DENND6B: variants seen among roughly 807,000 people sequenced by gnomAD.
DENND6B encodes protein DENND6B.
DENND6B carries 73 observed loss-of-function variants against 85.1 expected under a neutral mutation model. The ratio of observed to expected loss-of-function variants is 0.86; its 90% CI spans 0.71 to 1.04. The LOEUF (loss-of-function observed/expected upper bound fraction) is 1.04. Among genes scored for constraint, DENND6B ranks in the 50% least tolerant of loss-of-function variants. DENND6B has a pLI of 0.00. For synonymous variants in DENND6B, 357 were observed against 329.3 expected (o/e 1.08, Z -0.91); for missense variants, 715 against 785.8 (o/e 0.91, Z 1.08).
At chr22:50,313,611 A>G (rs1218985208) in intron 15 of DENND6B, 24 bp downstream of exon 15, 7 of 1,086,322 alleles carry the variant, frequency 6.4e-6, no homozygotes, top group Non-Finnish European at 6.8e-6. Flanking sequence ...CCCCAGTCCC[A>G]TGTCCCCCAG....
intron 9 of DENND6B, chr22:50,315,138 GGGGACTCAACCTGGACCCACCTGTGA>G: frequency 1.4e-6 from 1 of 693,978 alleles, no homozygotes; most frequent in Non-Finnish European, 2.3e-6. Context: ...CCTGGGAATG[GGGGACTCAACCTGGACCCACCTGTGA>G]GGGACCAGCC....
chr22:50,317,313 T>A lies in DENND6B; in HGVS notation c.433A>T (p.Lys145Ter), dbSNP rs1175520743. The change falls in exon 5 of 20, where the codon AAG becomes TAG. Residue 145 changes from lysine to a stop codon, truncating the protein, a stop_gained. Transcript: ENST00000413817. LOFTEE classifies it high-confidence loss of function. ...CGCACCTTCTGGAAGTAGCCCCTCT[T>A]CACAGAGCTGTCCTTCACCTGCCTG... is the stretch of plus-strand genomic sequence containing the variant. Reference protein sequence around the residue: ...YFRQVKDSSVKRGYFQKSLVL... With the variant: ...YFRQVKDSSV 6.2e-7 allele frequency: 1 copy of A among 1,612,794 alleles called. No homozygotes were observed. Among genetic ancestry groups the A allele is most frequent in the Non-Finnish European group, 8.5e-7 (1 of 1,179,666 alleles).
rs1601804977 is a variant in DENND6B, at chr22:50,313,104, G to A, written c.1352C>T (p.Pro451Leu). 19 of 1,553,810 alleles carry A rather than the reference G, an allele frequency of 1.2e-5. No individual in the cohort carries two copies. In the East Asian group the frequency reaches 4.6e-4, roughly 38 times the overall value. Residue 451 changes from proline to leucine, a missense_variant, in exon 17 of 20, where the codon CCC becomes CTC. By Grantham distance (98) the Pro-to-Leu change is moderately conservative. Coordinates refer to ENST00000413817, the MANE Select transcript of DENND6B (RefSeq NM_001001794.4). Reference sequence around the variant, plus strand: ...CTGGCTGAAGGGCTGGATCTGGGGGGGAGTCTGAGAGGGGATGGGTGAGCC... The same window carrying A: ...CTGGCTGAAGGGCTGGATCTGGGGGAGAGTCTGAGAGGGGATGGGTGAGCC... ...LQKSITPWKT[P>L]PQIQPFSQDD...
chr22:50,312,334 G>A lies in DENND6B; in HGVS notation c.1635+9C>T, dbSNP rs769568512. On this transcript the variant is annotated intron_variant, in intron 19 of 19. Transcript: ENST00000413817. ...GGTGGCGCTGGGACAAGGCTGGGAG[G>A]CATCTTACCAGCTTCTCACGAAGTT... is the stretch of plus-strand genomic sequence containing the variant. 4.3e-6 allele frequency: 7 copies of A among 1,611,198 alleles called. No individual in the cohort carries two copies. The African/African-American group carries it at 8.0e-5, about 18-fold the overall frequency.
intron 17 of DENND6B, 128 bp downstream of exon 17, chr22:50,312,871 G>A: frequency 4.2e-6 from 2 of 474,390 alleles, no homozygotes; most frequent in South Asian, 4.3e-5. Context: ...GGGGCCATGG[G>A]GCTGACCCTG....
intron 1 of DENND6B, among the ~76,000 whole-genome samples, chr22:50,321,137 G>A (rs1279679549): frequency 6.6e-6 from 1 of 152,162 alleles, no homozygotes; most frequent in Non-Finnish European, 1.5e-5. Flanking sequence ...GGGGGTGGGA[G>A]CTTGGTTTGG....
intron 3 of DENND6B, 93 bp from the exon 4 acceptor site, chr22:50,318,113 C>G: frequency 7.7e-7 from 1 of 1,290,364 alleles, no homozygotes; most frequent in Non-Finnish European, 1.1e-6. Flanking sequence ...GCCCTGCGAG[C>G]CTGGCCTCTG....
At chr22:50,322,059 C>A (rs1413143147) in intron 1 of DENND6B, among the ~76,000 whole-genome samples, 1 of 146,874 alleles carries the variant, frequency 6.8e-6, no homozygotes, top group Non-Finnish European at 1.5e-5. Context: ...AAAAAAAAAA[C>A]TCTTTGGGGT....
intron 1 of DENND6B, among the ~76,000 whole-genome samples, chr22:50,323,226 C>A (rs1601837237): frequency 2.7e-5 from 4 of 150,922 alleles, no homozygotes; most frequent in Admixed American, 2.6e-4. Flanking sequence ...AGCAGTTCTC[C>A]CACCTCAGCC....
At chr22:50,318,697 C>T (rs2041937827) in intron 3 of DENND6B, 150 bp downstream of exon 3, 1 of 1,149,808 alleles carries the variant, frequency 8.7e-7, no homozygotes, top group East Asian at 2.6e-5. Flanking sequence ...CTCTGGGTGC[C>T]TCCACGGAGT....
chr22:50,309,075 A>C lies in DENND6B; in HGVS notation c.*3064T>G, dbSNP rs1486103324. On this transcript the variant is annotated 3_prime_UTR_variant, in exon 20 of 20. Coordinates refer to ENST00000413817, the MANE Select transcript of DENND6B (RefSeq NM_001001794.4). ...TTAATACCAAAACTGTGGGAAGGCC[A>C]CTGTTCTAGACTAAAAGGGAGTCTT... The C allele has an allele frequency of 6.6e-6, 1 of 152,258 alleles. No individual in the cohort carries two copies. The highest frequency in any genetic ancestry group is 1.5e-5 in the Non-Finnish European group (1 of 68,058). 9.4% of individuals were successfully genotyped at this position (152,258 alleles called of 1,614,324 possible).
intron 1 of DENND6B, among the ~76,000 whole-genome samples, chr22:50,324,349 A>C (rs1301130440): frequency 2.0e-5 from 3 of 152,364 alleles, no homozygotes; most frequent in Non-Finnish European, 2.9e-5. Flanking sequence ...CCTAAAGGGC[A>C]AGAGCCTTGT....
intron 13 of DENND6B, 100 bp from the exon 14 acceptor site, chr22:50,313,978 C>T (rs1398174354): frequency 2.1e-6 from 3 of 1,422,408 alleles, no homozygotes; most frequent in African/African-American, 2.9e-5. Flanking sequence ...CATCTGCCTG[C>T]AGCCCCATGC....
chr22:50,313,395 GA>G, intron 16 of DENND6B, 50 bp downstream of exon 16: 1 of 1,528,602 alleles, frequency 6.5e-7, no homozygotes, highest in Non-Finnish European at 8.8e-7. Flanking sequence ...TCCGGGTGAG[GA>G]AGGGAACCCG....
In DENND6B at chr22:50,314,443, C is replaced by T. The variant is rs771206538; in HGVS notation, c.1029G>A (p.Gln343=). 4 of 1,565,484 alleles carry T rather than the reference C, an allele frequency of 2.6e-6. No homozygotes were observed. The highest frequency in any genetic ancestry group is 3.5e-6 in the Non-Finnish European group (4 of 1,154,198). ...VTNPFFIKTL[Q]HWPHILRVGE... is the part of the protein sequence containing the mutation. ...CGACTCGGAGGATGTGGGGCCAGTG[C>T]TGGAGTGTTTTGATAAAGAAAGGGT... The change falls in exon 12 of 20, where the codon CAG becomes CAA. Residue 343 remains glutamine, a synonymous_variant. Coordinates refer to ENST00000413817, the MANE Select transcript of DENND6B (RefSeq NM_001001794.4).
At chr22:50,320,762 G>A (rs912678482) in intron 1 of DENND6B, among the ~76,000 whole-genome samples, 2 of 152,104 alleles carry the variant, frequency 1.3e-5, no homozygotes, top group Admixed American at 6.5e-5. Flanking sequence ...GAGAAAAGGC[G>A]GGTACCTTCT....
In DENND6B at chr22:50,312,456, T is replaced by G. The variant is rs752205349; in HGVS notation, c.1561-39A>C. The G allele has an allele frequency of 5.6e-6, 9 of 1,594,882 alleles. No homozygotes were observed. In the South Asian group the frequency reaches 1.0e-4, roughly 18 times the overall value. On this transcript the variant is annotated intron_variant, in intron 18 of 19. Transcript: ENST00000413817. Reference sequence around the variant, plus strand: ...CGGGGTCTACTGTCAGCAAGGCCCCTCACTGCCCTGGGCCTGTGCCCACCC... The same window carrying G: ...CGGGGTCTACTGTCAGCAAGGCCCCGCACTGCCCTGGGCCTGTGCCCACCC...
rs1187112324 is a variant in DENND6B at position 50,326,975 on chromosome 22, A to G, written c.14T>C (p.Leu5Ser). ...GCGAGCCCGGCGAGGCCCTGTGCCC[A>G]ACAGCGCGTCCATGGCGGCGGCCGC... is the stretch of plus-strand genomic sequence containing the variant. MDAL[L>S]GTGPRRARGC... Residue 5 changes from leucine (L) to serine (S), a missense_variant, in exon 1 of 20, where the codon TTG becomes TCG. By Grantham distance (145) the Leu-to-Ser change is moderately radical. Coordinates refer to ENST00000413817, the MANE Select transcript of DENND6B (RefSeq NM_001001794.4). The G allele has an allele frequency of 6.6e-6, 8 of 1,208,070 alleles. No individual in the cohort carries two copies. Among genetic ancestry groups the G allele is most frequent in the Middle Eastern group, 3.3e-4 (1 of 3,062 alleles). The allele number at this position is 1,208,070 out of a possible 1,614,324, so 74.8% of individuals were successfully genotyped here.
At chr22:50,317,484 G>C in intron 4 of DENND6B, 111 bp from the exon 5 acceptor site, 1 of 1,225,338 alleles carries the variant, frequency 8.2e-7, no homozygotes, top group South Asian at 1.3e-5. Flanking sequence ...GAAGGCTGGA[G>C]AACCAGGAGG....
Sources: gnomAD v4.1 joint callset for allele counts (sites outside exome capture counted in the v4.1 genomes callset) on GRCh38, gnomAD v4.1.1 for gene constraint, MANE v1.5 for transcripts, NCBI Gene and HGNC (gene_info 2026-07-23, HGNC 2026-07-21) for gene names.